Variants in RNF212B observed in about 807,000 individuals in gnomAD.
RNF212B encodes the protein E3 ubiquitin-protein ligase RNF212B.
Under a neutral mutation model 55.5 loss-of-function variants are expected in RNF212B, and 52 were observed. The observed-to-expected ratio is 0.94, with a 90% CI of 0.75 to 1.18. The LOEUF (loss-of-function observed/expected upper bound fraction) is 1.18. Ranked by LOEUF, RNF212B falls within the 50% of genes most tolerant of loss-of-function variation. The pLI, the probability that RNF212B is intolerant of heterozygous loss-of-function variation, is 0.00. For synonymous variants in RNF212B, 99 were observed against 121.4 expected (o/e 0.82, Z 1.21); for missense variants, 289 against 350.4 (o/e 0.82, Z 1.40).
At chr14:23,265,224 G>A (rs779531733) in intron 11 of RNF212B, among the ~76,000 whole-genome samples, 4 of 152,200 alleles carry the variant, frequency 2.6e-5, no homozygotes, top group Non-Finnish European at 5.9e-5. Context: ...AGGAGATGGA[G>A]GATAACTTTT....
intron 2 of RNF212B, among the ~76,000 whole-genome samples, chr14:23,230,377 G>A (rs1333887275): frequency 3.3e-5 from 5 of 151,940 alleles, no homozygotes; most frequent in Middle Eastern, 3.2e-3. Context: ...ATTGCCGGCC[G>A]GGCGCGGTGG....
At chr14:23,250,560 G>A (rs182787700) in intron 4 of RNF212B, among the ~76,000 whole-genome samples, 9 of 151,672 alleles carry the variant, frequency 5.9e-5, no homozygotes, top group African/African-American at 1.5e-4. Flanking sequence ...TGTGTTCTGC[G>A]TATAACCTAG....
At chr14:23,232,830 T>TG (rs563929432) in intron 2 of RNF212B, among the ~76,000 whole-genome samples, 1,296 of 105,288 alleles carry the variant, frequency 0.012, 20 homozygotes, top group African/African-American at 0.036. Flanking sequence ...GTCTGGGAGG[T>TG]GGGGGTGCCT....
At position 23,259,968 on chromosome 14, in the gene RNF212B, T is replaced by A. The variant is rs1159269471; in HGVS notation, c.405+24T>A. 8 of 1,270,496 alleles carry A rather than the reference T, an allele frequency of 6.3e-6. No homozygotes were observed. In the Admixed American group the frequency reaches 1.0e-4, roughly 16 times the overall value. The allele number at this position is 1,270,496 out of a possible 1,614,324, so 78.7% of individuals were successfully genotyped here. ...AGGTGAATGAAATAGATTTTCCTTA[T>A]TATTATTTTCTCTCTTACTTTTCTC... On this transcript the variant is annotated intron_variant, in intron 6 of 14. Coordinates refer to ENST00000430154, the MANE Select transcript of RNF212B (RefSeq NM_001282322.3).
chr14:23,228,231 T>TA (rs920119042), intron 2 of RNF212B, among the ~76,000 whole-genome samples: 23 of 142,792 alleles, frequency 1.6e-4, no homozygotes, highest in East Asian at 4.3e-4. Context: ...AAACTCTGTC[T>TA]AAAAAAAAAA....
chr14:23,210,488 G>A (rs1375559014), intron 2 of RNF212B, among the ~76,000 whole-genome samples: 1 of 152,142 alleles, frequency 6.6e-6, no homozygotes, highest in Non-Finnish European at 1.5e-5. Flanking sequence ...ACATAGAAAT[G>A]TAGGATGGGG....
upstream of RNF212B, among the ~76,000 whole-genome samples, chr14:23,233,019 T>C (rs1226688905): frequency 6.6e-6 from 1 of 152,244 alleles, no homozygotes; most frequent in East Asian, 1.9e-4. Flanking sequence ...TGTGTCTGTG[T>C]AGAAAGAAGT....
intron 1 of RNF212B, among the ~76,000 whole-genome samples, chr14:23,190,463 A>C (rs912104181): frequency 1.1e-4 from 16 of 152,158 alleles, no homozygotes; most frequent in African/African-American, 3.6e-4. Context: ...CTTGGAGTCA[A>C]CCTTGACTTA....
intron 4 of RNF212B, among the ~76,000 whole-genome samples, chr14:23,251,814 C>CAAAAAAAAAAAAAAAAAAAAA (rs71119011): frequency 7.3e-6 from 1 of 136,406 alleles, no homozygotes; most frequent in Non-Finnish European, 1.6e-5. Context: ...GACTCTGTCT[C>CAAAAAAAAAAAAAAAAAAAAA]AAAAAAAAAA....
chr14:23,225,712 A>C (rs1210613948), intron 2 of RNF212B, among the ~76,000 whole-genome samples: 1 of 152,052 alleles, frequency 6.6e-6, no homozygotes, highest in Non-Finnish European at 1.5e-5. Flanking sequence ...TACCAAAAAA[A>C]ATAGAAAGAA....
intron 4 of RNF212B, among the ~76,000 whole-genome samples, chr14:23,244,663 G>T (rs1566425156): frequency 6.6e-6 from 1 of 152,114 alleles, no homozygotes; most frequent in Non-Finnish European, 1.5e-5. Context: ...ACGACTAAAG[G>T]TTGTTTTAGG....
At chr14:23,242,852 G>A (rs530065901) in intron 2 of RNF212B, among the ~76,000 whole-genome samples, 22 of 152,022 alleles carry the variant, frequency 1.4e-4, no homozygotes, top group South Asian at 1.3e-3. Flanking sequence ...GGTGGTGTGC[G>A]CCTGTGGTCC....
chr14:23,194,898 G>A (rs1878503528), intron 2 of RNF212B, among the ~76,000 whole-genome samples: 1 of 152,014 alleles, frequency 6.6e-6, no homozygotes, highest in Non-Finnish European at 1.5e-5. Flanking sequence ...AGTATGCATG[G>A]TATATTTAAA....
intron 2 of RNF212B, among the ~76,000 whole-genome samples, chr14:23,222,731 G>A (rs890650943): frequency 1.3e-5 from 2 of 152,096 alleles, no homozygotes; most frequent in Non-Finnish European, 2.9e-5. Flanking sequence ...GAAAATGCTA[G>A]TAAACCAAAT....
chr14:23,248,045 C>A (rs770447245), intron 4 of RNF212B, among the ~76,000 whole-genome samples: 17 of 152,182 alleles, frequency 1.1e-4, no homozygotes, highest in Non-Finnish European at 1.9e-4. Context: ...CTCTTTGCTT[C>A]CAAGATAATG....
intron 2 of RNF212B, among the ~76,000 whole-genome samples, chr14:23,208,925 A>AT (rs536312028): frequency 1.4e-3 from 217 of 151,338 alleles, no homozygotes; most frequent in Middle Eastern, 0.01. Context: ...CGCCTGGCTA[A>AT]TTTTTTGTAT....
intron 2 of RNF212B, among the ~76,000 whole-genome samples, chr14:23,198,711 T>C (rs1878985282): frequency 6.6e-6 from 1 of 151,568 alleles, no homozygotes; most frequent in East Asian, 1.9e-4. Context: ...GTAAACACTA[T>C]ACTCTAGCTG....
upstream of RNF212B, among the ~76,000 whole-genome samples, chr14:23,236,959 C>A (rs933143991): frequency 2.2e-4 from 31 of 139,136 alleles, no homozygotes; most frequent in African/African-American, 5.9e-4. Flanking sequence ...TTCTGTCTCT[C>A]TCTTTTTTTT....
chr14:23,264,687 A>G lies in RNF212B; in HGVS notation c.634+16A>G. ...TCTTATAATGGTGAGGTGGGGGGAA[A>G]AGGGTGTCAGAAATCAACTTACTCT... On this transcript the variant is annotated intron_variant, in intron 11 of 14. Coordinates refer to ENST00000430154, the MANE Select transcript of RNF212B (RefSeq NM_001282322.3). The G allele has an allele frequency of 7.8e-7, 1 of 1,279,034 alleles. No individual in the cohort carries two copies. Among genetic ancestry groups the G allele is most frequent in the Non-Finnish European group, 1.0e-6 (1 of 1,003,130 alleles). 79.2% of individuals were successfully genotyped at this position (1,279,034 alleles called of 1,614,324 possible). A position where few individuals can be genotyped will look rare whatever the true frequency, so the allele number is the denominator to read the frequency against.
Sources: allele counts gnomAD v4.1 joint callset (sites outside exome capture counted in the v4.1 genomes callset), GRCh38; gene constraint gnomAD v4.1.1; transcripts MANE v1.5; gene names NCBI Gene and HGNC (gene_info 2026-07-23, HGNC 2026-07-21).